Variants in EEF1A2 observed in about 807,000 individuals in gnomAD.
EEF1A2 encodes the protein elongation factor 1-alpha 2.
A neutral mutation model predicts 39.3 loss-of-function variants in EEF1A2; 5 were observed. The ratio of observed to expected loss-of-function variants is 0.13; its 90% CI spans 0.07 to 0.27. The LOEUF (loss-of-function observed/expected upper bound fraction) is 0.27. EEF1A2 is among the 10% of genes least tolerant of loss of function. The pLI is 1.00. For missense variants in EEF1A2, 218 were observed against 681.4 expected (o/e 0.32, Z 7.57); for synonymous variants, 287 against 293.7 (o/e 0.98, Z 0.23).
intron 5 of EEF1A2, among the ~76,000 whole-genome samples, chr20:63,491,655 T>C (rs1175587559): frequency 1.3e-5 from 2 of 150,370 alleles, no homozygotes; most frequent in Non-Finnish European, 3.0e-5. Flanking sequence ...GATGGGGAGG[T>C]GGGTGGATGG....
rs1263677838 is a variant in EEF1A2, at chr20:63,498,727, C to A, written c.-72+331G>T. ...GGAACACGGGTGGGGGTGGGGAGGC[C>A]AGGGCCCCCAGATCTCACCACCTCC... On this transcript the variant is annotated intron_variant, in intron 1 of 7. Transcript: ENST00000217182. This position sits in a 1 kb window ranked among gnomAD's most constrained non-coding sequence, Gnocchi z 4.1. 6.6e-6 allele frequency: 1 copy of A among 152,008 alleles called. No individual in the cohort carries two copies. Among genetic ancestry groups the A allele is most frequent in the African/African-American group, 2.4e-5 (1 of 41,426 alleles). 9.4% of individuals were successfully genotyped at this position (152,008 alleles called of 1,614,324 possible).
Position 63,489,005 on chromosome 20 carries a change from A to T in EEF1A2, c.1177T>A (p.Ser393Thr). 6.2e-7 allele frequency: 1 copy of T among 1,612,564 alleles called. No homozygotes were observed. The highest frequency in any genetic ancestry group is 8.5e-7 in the Non-Finnish European group (1 of 1,179,918). ...SGKKLEDNPK[S>T]LKSGDAAIVE... ...ATGGCCGCGTCTCCAGACTTCAGGGACTTGGGGTTGTCCTCCAGCTTCTTG... is the reference window on the plus strand; with the variant it reads ...ATGGCCGCGTCTCCAGACTTCAGGGTCTTGGGGTTGTCCTCCAGCTTCTTG... The change falls in exon 7 of 8, where the codon TCC becomes ACC. Residue 393 changes from serine to threonine, a missense_variant. Transcript: ENST00000217182.
chr20:63,488,894 C>T (rs770184061), intron 7 of EEF1A2, 24 bp downstream of exon 7: 8 of 1,605,770 alleles, frequency 5.0e-6, no homozygotes, highest in South Asian at 4.4e-5. Context: ...GGGGGCTGCA[C>T]CTCCCCGGAC....
chr20:63,496,575 C>T (rs1036756152), intron 2 of EEF1A2: 2 of 153,950 alleles, frequency 1.3e-5, no homozygotes, highest in African/African-American at 4.8e-5. Context: ...GCTTCTCCTC[C>T]CCTTCCTCGC....
At position 63,488,381 on chromosome 20, in the gene EEF1A2, C is replaced by A. The variant is rs1057521655; in HGVS notation, c.1309G>T (p.Val437Phe). ...RDMRQTVAVG[V>F]IKNVEKKSGG... The stretch of plus-strand genomic sequence containing the variant: ...CTCTTCTTCTCCACGTTCTTGATGA[C>A]GCCTACGGCCACCGTCTGCCTCATG... Residue 437 changes from valine (V) to phenylalanine (F), a missense_variant, in exon 8 of 8, where the codon GTC becomes TTC. By Grantham distance (50) the Val-to-Phe change is conservative. Transcript: ENST00000217182. 1 of 1,479,688 alleles carries A rather than the reference C, an allele frequency of 6.8e-7. No individual in the cohort carries two copies. The allele number at this position is 1,479,688 out of a possible 1,614,324, so 91.7% of individuals were successfully genotyped here. A position where few individuals can be genotyped will look rare whatever the true frequency, so the allele number is the denominator to read the frequency against.
Position 63,497,476 on chromosome 20 carries a change from G to C in EEF1A2, c.144+144C>G. The C allele has an allele frequency of 1.5e-6, 2 of 1,331,564 alleles. No individual in the cohort carries two copies. The highest frequency in any genetic ancestry group is 1.5e-5 in the South Asian group (1 of 67,390). 82.5% of individuals were successfully genotyped at this position (1,331,564 alleles called of 1,614,324 possible). On this transcript the variant is annotated intron_variant, in intron 2 of 7. Transcript: ENST00000217182. This position sits in a 1 kb window ranked among gnomAD's most constrained non-coding sequence, Gnocchi z 7.3. ...TGCCCCACCAGACCCTCTGAGGCCT[G>C]AGTGCCCCACAGCGGGGGTCCCTCC...
Position 63,490,448 on chromosome 20 carries a change from C to CCAGCCCCCTGGACCCAGCG in EEF1A2, c.1029+12_1029+30dup, listed in dbSNP as rs778258442. ...CAGTCCTGCTGCTGTCCAGCAGGCG[C>CCAGCCCCCTGGACCCAGCG]CAGCCCCCTGGACCCAGCGCAGCCC... On this transcript the variant is annotated intron_variant, in intron 6 of 7. Transcript: ENST00000217182. 3.5e-4 allele frequency: 549 copies of CCAGCCCCCTGGACCCAGCG among 1,591,036 alleles called. 4 individuals are homozygous for CCAGCCCCCTGGACCCAGCG. The East Asian group carries it at 0.011, about 33-fold the overall frequency.
chr20:63,488,542 C>A, intron 7 of EEF1A2, 117 bp from the exon 8 acceptor site: 2 of 1,280,562 alleles, frequency 1.6e-6, no homozygotes, highest in Non-Finnish European at 2.0e-6. Flanking sequence ...ACACGCTTAG[C>A]GCAGAGCGCG....
Position 63,490,514 on chromosome 20 carries a change from C to G in EEF1A2, c.994G>C (p.Asp332His). The G allele has an allele frequency of 6.2e-7, 1 of 1,612,252 alleles. No individual in the cohort carries two copies. The highest frequency in any genetic ancestry group is 8.5e-7 in the Non-Finnish European group (1 of 1,179,600). Residue 332 changes from aspartate (D) to histidine (H), a missense_variant, in exon 6 of 8, where the codon GAC (aspartate) becomes CAC (histidine). Asp to His is a moderately conservative substitution (Grantham distance 81, BLOSUM62 -1). Coordinates refer to ENST00000217182, the MANE Select transcript of EEF1A2 (RefSeq NM_001958.5). ...AACTGAGCAGCCTCCTGCGGCGGGT[C>G]AGACTTGCTGTCCCCACACACGTTG... ...RGNVCGDSKS[D>H]PPQEAAQFTS...
chr20:63,494,545 TG>T (rs1449749525), intron 4 of EEF1A2, among the ~76,000 whole-genome samples: 1 of 152,218 alleles, frequency 6.6e-6, no homozygotes, highest in Non-Finnish European at 1.5e-5. Flanking sequence ...CCGCTGCCCC[TG>T]CTGTGTTGAC....
At position 63,490,665 on chromosome 20, in the gene EEF1A2, C is replaced by G. The variant is rs139282309; in HGVS notation, c.843G>C (p.Ala281=). 6.2e-7 allele frequency: 1 copy of G among 1,611,758 alleles called. No homozygotes were observed. The highest frequency in any genetic ancestry group is 8.5e-7 in the Non-Finnish European group (1 of 1,179,798). ...ILRPGMVVTF[A]PVNITTEVKS... The stretch of plus-strand genomic sequence containing the variant: ...TCACCTCAGTGGTGATGTTCACTGG[C>G]GCAAAGGTCACCACCATGCCCGGCC... The change falls in exon 6 of 8, where the codon GCG becomes GCC. Residue 281 remains alanine, a synonymous_variant. Transcript: ENST00000217182.
rs2082429463 is a variant in EEF1A2 at position 63,498,597 on chromosome 20, G to A, written c.-72+461C>T. On this transcript the variant is annotated intron_variant, in intron 1 of 7. Transcript: ENST00000217182. This position sits in a 1 kb window ranked among gnomAD's most constrained non-coding sequence, Gnocchi z 4.1. ...CCCCCTCCCTGTGACTCAGGACCCT[G>A]GGTCACAGCCCTGTCCCATCACAGA... 2 of 151,146 alleles carry A rather than the reference G, an allele frequency of 1.3e-5. No homozygotes were observed. Among genetic ancestry groups the A allele is most frequent in the Non-Finnish European group, 2.9e-5 (2 of 67,798 alleles). 9.4% of individuals were successfully genotyped at this position (151,146 alleles called of 1,614,324 possible).
chr20:63,495,069 G>T lies in EEF1A2; in HGVS notation c.357C>A (p.Gly119=). 1 of 1,611,762 alleles carries T rather than the reference G, an allele frequency of 6.2e-7. No individual in the cohort carries two copies. The highest frequency in any genetic ancestry group is 8.5e-7 in the Non-Finnish European group (1 of 1,179,848). The change falls in exon 4 of 8, where the codon GGC becomes GGA. Residue 119 remains glycine (G), a synonymous_variant. Coordinates refer to ENST00000217182, the MANE Select transcript of EEF1A2 (RefSeq NM_001958.5). ...ADCAVLIVAA[G]VGEFEAGISK... ...AGATGCCCGCCTCGAACTCGCCCACGCCCGCCGCCACGATCAGCACTGCGC... is the reference window on the plus strand; with the variant it reads ...AGATGCCCGCCTCGAACTCGCCCACTCCCGCCGCCACGATCAGCACTGCGC...
rs1238718880 is a variant in EEF1A2 at position 63,495,986 on chromosome 20, G to A, written c.194C>T (p.Ala65Val). The change falls in exon 3 of 8, where the codon GCG becomes GTG. Residue 65 changes from alanine (A) to valine (V), a missense_variant. Ala to Val is a moderately conservative substitution (Grantham distance 64, BLOSUM62 0). Coordinates refer to ENST00000217182, the MANE Select transcript of EEF1A2 (RefSeq NM_001958.5). ...KYAWVLDKLKAERERGITIDI... is the reference protein window; with the variant it reads ...KYAWVLDKLKVERERGITIDI... Reference sequence around the variant, plus strand: ...GATGGTGATGCCGCGCTCACGCTCCGCCTTCAGCTTGTCCAGCACCCAGGC... The same window carrying A: ...GATGGTGATGCCGCGCTCACGCTCCACCTTCAGCTTGTCCAGCACCCAGGC... 3.7e-6 allele frequency: 6 copies of A among 1,613,050 alleles called. No homozygotes were observed. The highest frequency in any genetic ancestry group is 5.1e-6 in the Non-Finnish European group (6 of 1,179,960).
rs1350820239 is a variant in EEF1A2 at position 63,498,644 on chromosome 20, T to A, written c.-72+414A>T. 2 of 146,524 alleles carry A rather than the reference T, an allele frequency of 1.4e-5. No homozygotes were observed. The highest frequency in any genetic ancestry group is 3.0e-5 in the Non-Finnish European group (2 of 66,304). 9.1% of individuals were successfully genotyped at this position (146,524 alleles called of 1,614,324 possible). A position where few individuals can be genotyped will look rare whatever the true frequency, so the allele number is the denominator to read the frequency against. ...CAGAGGTCAGTGGAGAAACCCACGCTGCTCCTCGCGGACAGGTGGCTGGGG... is the reference window on the plus strand; with the variant it reads ...CAGAGGTCAGTGGAGAAACCCACGCAGCTCCTCGCGGACAGGTGGCTGGGG... On this transcript the variant is annotated intron_variant, in intron 1 of 7. Coordinates refer to ENST00000217182, the MANE Select transcript of EEF1A2 (RefSeq NM_001958.5). The surrounding 1 kb of genome is among the most constrained non-coding windows in gnomAD (Gnocchi z 4.1).
chr20:63,492,298 G>A (rs1256544310), intron 5 of EEF1A2, among the ~76,000 whole-genome samples: 2 of 150,066 alleles, frequency 1.3e-5, no homozygotes, highest in African/African-American at 2.5e-5. Context: ...GGGTGGGTAG[G>A]TGGGTGAGTG....
intron 4 of EEF1A2, 69 bp from the exon 5 acceptor site, chr20:63,493,356 G>A: frequency 1.4e-6 from 2 of 1,447,098 alleles, no homozygotes; most frequent in Non-Finnish European, 9.2e-7. Context: ...GGCCTCCCCA[G>A]GGTGCTTCCA....
At chr20:63,496,943 C>T (rs1013552995) in intron 2 of EEF1A2, 1 of 152,700 alleles carries the variant, frequency 6.5e-6, no homozygotes, top group African/African-American at 2.4e-5. Context: ...TGGCCTCCGC[C>T]CTCATCATCC....
In EEF1A2 at chr20:63,494,997, C is replaced by A. The variant is rs983121272; in HGVS notation, c.429G>T (p.Leu143=). ...CGCCCACGATGAGCTGCTTCACACC[C>A]AGCGTGTAGGCCAGCAGGGCATGCT... is the stretch of plus-strand genomic sequence containing the variant. ...TREHALLAYT[L]GVKQLIVGVN... The change falls in exon 4 of 8, where the codon CTG becomes CTT. Residue 143 remains leucine, a synonymous_variant. Coordinates refer to ENST00000217182, the MANE Select transcript of EEF1A2 (RefSeq NM_001958.5). 6.2e-7 allele frequency: 1 copy of A among 1,612,822 alleles called. No homozygotes were observed. Among genetic ancestry groups the A allele is most frequent in the African/African-American group, 1.3e-5 (1 of 75,066 alleles).
Sources: gnomAD v4.1 joint callset for allele counts (sites outside exome capture counted in the v4.1 genomes callset) on GRCh38, gnomAD v4.1.1 for gene constraint, Gnocchi (gnomAD v3.1) non-coding constraint, MANE v1.5 for transcripts, NCBI Gene and HGNC (gene_info 2026-07-23, HGNC 2026-07-21) for gene names.